Variants in PITRM1 observed in about 807,000 individuals in gnomAD.
PITRM1 encodes the protein pitrilysin metallopeptidase 1, also known as presequence protease, mitochondrial.
Under a neutral mutation model 129.9 loss-of-function variants are expected in PITRM1, and 100 were observed. The observed-to-expected ratio is 0.77, with a 90% CI of 0.65 to 0.91. The LOEUF is 0.91. PITRM1 is among the 40% of genes least tolerant of loss of function. PITRM1 has a pLI of 0.00. For synonymous variants in PITRM1, 591 were observed against 508.8 expected, an observed-to-expected ratio of 1.16 and a Z score of -2.17; for missense variants, 1,471 against 1,318.3, an observed-to-expected ratio of 1.12 and a Z score of -1.79.
intron 10 of PITRM1, 30 bp from the exon 11 acceptor site, chr10:3,158,183 G>A (rs779716803): frequency 7.8e-7 from 1 of 1,289,760 alleles, no homozygotes; most frequent in Non-Finnish European, 1.1e-6. Context: ...ATGATGCACT[G>A]GAATCCGGGC....
intron 2 of PITRM1, 35 bp from the exon 3 acceptor site, chr10:3,167,077 T>TA (rs1441202380): frequency 8.4e-6 from 11 of 1,312,248 alleles, no homozygotes; most frequent in Non-Finnish European, 1.2e-5. Flanking sequence ...CAGTTAAACT[T>TA]AGACAAAATG....
chr10:3,154,225 T>C (rs993049528), intron 14 of PITRM1, among the ~76,000 whole-genome samples: 18 of 152,242 alleles, frequency 1.2e-4, no homozygotes, highest in African/African-American at 4.3e-4. Context: ...CCTTCACAGC[T>C]AGTGGCATTT....
chr10:3,162,250 A>C lies in PITRM1; in HGVS notation c.791+1475T>G, dbSNP rs1053336806. Reference sequence around the variant, plus strand: ...CCCTCCTCCTCAAACTGGACTTCCCAGGGAGAGCAGCCGGCCCTGCCTTTT... The same window carrying C: ...CCCTCCTCCTCAAACTGGACTTCCCCGGGAGAGCAGCCGGCCCTGCCTTTT... On this transcript the variant is annotated intron_variant, in intron 7 of 26. Transcript: ENST00000224949. Among the ~76,000 whole-genome samples the C allele has an allele frequency of 2.0e-5, 3 of 151,968 alleles. No individual in the cohort carries two copies. In the East Asian group the frequency reaches 5.8e-4, roughly 29 times the overall value.
At chr10:3,162,326 C>G (rs1842525153) in intron 7 of PITRM1, among the ~76,000 whole-genome samples, 1 of 152,180 alleles carries the variant, frequency 6.6e-6, no homozygotes, top group East Asian at 1.9e-4. Context: ...ATGTGGAGCT[C>G]TTCTTTGAAG....
At chr10:3,139,531 A>G (rs1839969500) in intron 24 of PITRM1, among the ~76,000 whole-genome samples, 1 of 152,182 alleles carries the variant, frequency 6.6e-6, no homozygotes. Context: ...CTTCACCCTG[A>G]GCTGCAGAGG....
rs773005872 is a variant in PITRM1 at position 3,147,784 on chromosome 10, G to A, written c.2070-47C>T. The A allele has an allele frequency of 2.6e-5, 39 of 1,491,950 alleles. No homozygotes were observed. In the Admixed American group the frequency reaches 3.4e-4, roughly 13 times the overall value. 92.4% of individuals were successfully genotyped at this position (1,491,950 alleles called of 1,614,324 possible). On this transcript the variant is annotated intron_variant, in intron 18 of 26. Coordinates refer to ENST00000224949, the MANE Select transcript of PITRM1 (RefSeq NM_014889.4). ...AAATTCCTGGAGACCCATTCCTCAC[G>A]TCCCTTCAGTATCATGGAAAGTTGA...
At chr10:3,150,854 GC>G (rs1841450430) in intron 15 of PITRM1, among the ~76,000 whole-genome samples, 1 of 152,124 alleles carries the variant, frequency 6.6e-6, no homozygotes, top group South Asian at 2.1e-4. Flanking sequence ...CTTTCTGGGG[GC>G]TCTCGTCCCT....
intron 7 of PITRM1, among the ~76,000 whole-genome samples, chr10:3,161,287 T>C (rs191793823): frequency 1.3e-5 from 2 of 152,344 alleles, no homozygotes; most frequent in Non-Finnish European, 1.5e-5. Context: ...TACAGTAATA[T>C]AGTAATCCAA....
In PITRM1 at chr10:3,167,019, G is replaced by A; in HGVS notation, c.183C>T (p.Phe61=). ...CATGGGTGAGCTTCACTGCAGTCAG[G>A]AACAGCTCGGGAACAGATGTCACCT... ...VNQVTSVPEL[F]LTAVKLTHDD... The change falls in exon 3 of 27, where the codon TTC becomes TTT. Residue 61 remains phenylalanine (F), a synonymous_variant. Coordinates refer to ENST00000224949, the MANE Select transcript of PITRM1 (RefSeq NM_014889.4). 5 of 1,607,826 alleles carry A rather than the reference G, an allele frequency of 3.1e-6. No individual in the cohort carries two copies. The highest frequency in any genetic ancestry group is 4.2e-6 in the Non-Finnish European group (5 of 1,176,700).
chr10:3,140,687 C>A lies in PITRM1; in HGVS notation c.2771G>T (p.Arg924Met). The change falls in exon 24 of 27, where the codon AGG becomes ATG. Residue 924 changes from arginine (R) to methionine (M), a missense_variant and splice_region_variant. Physicochemically the swap from Arg to Met is moderately conservative, Grantham distance 91. Transcript: ENST00000224949. The stretch of plus-strand genomic sequence containing the variant: ...ATGTGTGAACTAGAGCAAAACTCAC[C>A]TGTAAGAGTAAAGGGTGAAAATCCC... ...HNGIFTLYSY[R>M]DPNTIETLQS... 1 of 1,598,160 alleles carries A rather than the reference C, an allele frequency of 6.3e-7. No homozygotes were observed. Among genetic ancestry groups the A allele is most frequent in the African/African-American group, 1.3e-5 (1 of 74,800 alleles).
At chr10:3,154,630 T>C (rs1168425391) in intron 14 of PITRM1, among the ~76,000 whole-genome samples, 1 of 152,218 alleles carries the variant, frequency 6.6e-6, no homozygotes, top group East Asian at 1.9e-4. Context: ...TAGGAACTCT[T>C]AGATGATATC....
chr10:3,151,345 T>C lies in PITRM1; in HGVS notation c.1640A>G (p.Gln547Arg), dbSNP rs370714865. ...IYEKGLELRS[Q>R]QSKPQDASCL... is the part of the protein sequence containing the mutation. ...AGAGGCATCTTGAGGTTTGCTTTGT[T>C]GACTCCGTAATTCTAGACCTAAAAA... Residue 547 changes from glutamine (Q) to arginine (R), a missense_variant, in exon 15 of 27, where the codon CAA (glutamine) becomes CGA (arginine). Gln to Arg is a conservative substitution (Grantham distance 43, BLOSUM62 1). Transcript: ENST00000224949. 1 of 1,606,716 alleles carries C rather than the reference T, an allele frequency of 6.2e-7. No homozygotes were observed. Among genetic ancestry groups the C allele is most frequent in the African/African-American group, 1.3e-5 (1 of 74,802 alleles).
intron 11 of PITRM1, among the ~76,000 whole-genome samples, chr10:3,157,832 C>G (rs1842103356): frequency 6.6e-6 from 1 of 152,184 alleles, no homozygotes; most frequent in African/African-American, 2.4e-5. Flanking sequence ...AAGCGAGACC[C>G]TGTCTCAAAA....
At chr10:3,163,087 A>G (rs1842580453) in intron 7 of PITRM1, 1 of 152,206 alleles carries the variant, frequency 6.6e-6, no homozygotes, top group Non-Finnish European at 1.5e-5. Flanking sequence ...AAGGATATCT[A>G]TTACATGATA....
At chr10:3,143,545 C>A in intron 22 of PITRM1, 44 bp from the exon 23 acceptor site, 1 of 1,343,994 alleles carries the variant, frequency 7.4e-7, no homozygotes, top group Non-Finnish European at 1.1e-6. Flanking sequence ...CTGCCATGCA[C>A]CGCCCACGGC....
chr10:3,162,506 C>G (rs963490302), intron 7 of PITRM1, among the ~76,000 whole-genome samples: 1 of 152,194 alleles, frequency 6.6e-6, no homozygotes, highest in Non-Finnish European at 1.5e-5. Context: ...TGGTCTGTGG[C>G]TGAAGGGAAA....
chr10:3,145,691 G>C lies in PITRM1; in HGVS notation c.2362C>G (p.Gln788Glu). 6.5e-7 allele frequency: 1 copy of C among 1,550,298 alleles called. No individual in the cohort carries two copies. Among genetic ancestry groups the C allele is most frequent in the African/African-American group, 1.4e-5 (1 of 73,286 alleles). Residue 788 changes from glutamine (Q) to glutamate (E), a missense_variant, in exon 21 of 27, where the codon CAG (glutamine) becomes GAG (glutamate). Gln to Glu is a conservative substitution (Grantham distance 29, BLOSUM62 2). Transcript: ENST00000224949. ...MRCSVNATPQ[Q>E]MPQTEKAVED... ...ACCGCTTTTTCTGTCTGAGGCATCT[G>C]CTGAGGAGTCGCATTCACTGAACAC... is the stretch of plus-strand genomic sequence containing the variant.
intron 23 of PITRM1, among the ~76,000 whole-genome samples, chr10:3,141,995 T>C (rs903741454): frequency 2.0e-5 from 3 of 152,172 alleles, no homozygotes; most frequent in African/African-American, 4.8e-5. Context: ...CTGAGAAATT[T>C]CTATTACTTG....
chr10:3,155,819 G>C (rs1841930482), intron 13 of PITRM1, 90 bp from the exon 14 acceptor site: 12 of 1,429,836 alleles, frequency 8.4e-6, no homozygotes, highest in Non-Finnish European at 1.1e-5. Flanking sequence ...GTGTGTTCTT[G>C]GTCCTGTGGT....
Sources: gnomAD v4.1 joint callset for allele counts (sites outside exome capture counted in the v4.1 genomes callset) on GRCh38, gnomAD v4.1.1 for gene constraint, MANE v1.5 for transcripts, NCBI Gene and HGNC (gene_info 2026-07-23, HGNC 2026-07-21) for gene names.